The following CDH18 variants were observed in gnomAD, a reference collection of about 807,000 sequenced individuals.
CDH18 encodes cadherin-18.
In CDH18, 31 loss-of-function variants were observed where a neutral mutation model predicts 67.9. The ratio of observed to expected loss-of-function variants is 0.46; its 90% CI spans 0.34 to 0.62. The LOEUF (loss-of-function observed/expected upper bound fraction) is 0.62, where lower values mean the gene tolerates loss of function less well. Among genes scored for constraint, CDH18 ranks in the 20% least tolerant of loss-of-function variants. The pLI is 0.01. For synonymous variants in CDH18, 362 were observed against 347.2 expected, an observed-to-expected ratio of 1.04 and a Z score of -0.48; for missense variants, 890 against 975.5, an observed-to-expected ratio of 0.91 and a Z score of 1.17.
In CDH18 at chr5:20,101,548, C is replaced by T. The variant is rs112676602; in HGVS notation, c.-517-109534G>A. On this transcript the variant is annotated intron_variant, in intron 2 of 14. Transcript: ENST00000507958. Reference sequence around the variant, plus strand: ...TGCTAATTTCCACTATTGGTAGGATCCCTAAGGCATCAAAGGAGTAACATC... The same window carrying T: ...TGCTAATTTCCACTATTGGTAGGATTCCTAAGGCATCAAAGGAGTAACATC... Among the ~76,000 whole-genome samples the T allele has an allele frequency of 2.2e-3, 333 of 152,228 alleles. 1 individual carries two copies. Among genetic ancestry groups the T allele is most frequent in the African/African-American group, 7.5e-3 (313 of 41,532 alleles).
chr5:20,356,291 G>A (rs1741601124), intron 1 of CDH18, among the ~76,000 whole-genome samples: 1 of 152,156 alleles, frequency 6.6e-6, no homozygotes, highest in South Asian at 2.1e-4. Context: ...GCTGAGGTAG[G>A]AGAACTGCTT....
chr5:19,566,212 T>C, intron 8 of CDH18, among the ~76,000 whole-genome samples: 1 of 152,054 alleles, frequency 6.6e-6, no homozygotes, highest in East Asian at 1.9e-4. Context: ...ATATCAAAAT[T>C]ACAGGCAATA....
intron 1 of CDH18, among the ~76,000 whole-genome samples, chr5:20,364,329 A>G (rs1742339156): frequency 7.5e-6 from 1 of 134,144 alleles, no homozygotes; most frequent in Admixed American, 7.8e-5. Flanking sequence ...GTTTACATAA[A>G]CAATCTAATT....
intron 1 of CDH18, among the ~76,000 whole-genome samples, chr5:20,491,641 G>T (rs369306096): frequency 3.8e-4 from 58 of 152,254 alleles, no homozygotes; most frequent in African/African-American, 1.1e-3. Flanking sequence ...CAGAATTTCC[G>T]CTTGCTCAAG....
At chr5:20,469,776 C>G (rs556787947) in intron 1 of CDH18, among the ~76,000 whole-genome samples, 2 of 152,284 alleles carry the variant, frequency 1.3e-5, no homozygotes, top group East Asian at 3.9e-4. Flanking sequence ...TTCAGGATCC[C>G]TCATTACTGC....
intron 7 of CDH18, among the ~76,000 whole-genome samples, chr5:19,580,302 T>C (rs1186051823): frequency 7.9e-5 from 12 of 151,908 alleles, no homozygotes; most frequent in Admixed American, 6.6e-4. Flanking sequence ...CTTTGAAAAG[T>C]TGGTTCTTTT....
intron 2 of CDH18, among the ~76,000 whole-genome samples, chr5:20,043,157 A>G (rs1033142306): frequency 6.6e-6 from 1 of 152,050 alleles, no homozygotes; most frequent in African/African-American, 2.4e-5. Context: ...AGTAATGTCA[A>G]TCAGTAATGT....
chr5:19,766,760 A>G (rs1773140178), intron 3 of CDH18, among the ~76,000 whole-genome samples: 1 of 152,062 alleles, frequency 6.6e-6, no homozygotes, highest in Non-Finnish European at 1.5e-5. Context: ...CCTTCAAACT[A>G]GATAGTTTCT....
intron 1 of CDH18, among the ~76,000 whole-genome samples, chr5:20,486,400 G>A (rs1302794719): frequency 6.6e-6 from 1 of 151,922 alleles, no homozygotes; most frequent in Non-Finnish European, 1.5e-5. Flanking sequence ...TTATGTATAT[G>A]CTAGCATTTA....
chr5:19,807,672 A>ACTTATCCATTCC (rs1778174298), intron 3 of CDH18, among the ~76,000 whole-genome samples: 1 of 152,072 alleles, frequency 6.6e-6, no homozygotes, highest in South Asian at 2.1e-4. Context: ...CACCACGAAC[A>ACTTATCCATTCC]CTTATCCATT....
rs1181135493 is a variant in CDH18 at position 19,954,645 on chromosome 5, T to C, written c.-257+26415A>G. On this transcript the variant is annotated intron_variant, in intron 2 of 12. Transcript: ENST00000382275. ...AGAAAGAAGAGACCAAGATAACCAA[T>C]CTGAATAGGTGTCAAAAAGTAAATA... Among the ~76,000 whole-genome samples the C allele has an allele frequency of 8.6e-5, 13 of 152,012 alleles. No homozygotes were observed. The East Asian group carries it at 2.5e-3, about 29-fold the overall frequency.
chr5:20,499,738 C>G (rs1754133106), intron 1 of CDH18, among the ~76,000 whole-genome samples: 1 of 152,074 alleles, frequency 6.6e-6, no homozygotes, highest in African/African-American at 2.4e-5. Context: ...AATGCAAAGG[C>G]AGTTTGTTAC....
chr5:20,294,553 T>G (rs1282111912), intron 1 of CDH18, among the ~76,000 whole-genome samples: 1 of 152,214 alleles, frequency 6.6e-6, no homozygotes, highest in Non-Finnish European at 1.5e-5. Context: ...ATCGCAGTAA[T>G]GAGGAAAGCA....
At chr5:20,504,736 T>C (rs1456125308) in intron 1 of CDH18, among the ~76,000 whole-genome samples, 1 of 150,224 alleles carries the variant, frequency 6.7e-6, no homozygotes, top group Non-Finnish European at 1.5e-5. Flanking sequence ...TTTTGGCAGG[T>C]AGAAAAAGTG....
At chr5:19,491,696 A>G (rs936718771) in intron 11 of CDH18, among the ~76,000 whole-genome samples, 1 of 152,116 alleles carries the variant, frequency 6.6e-6, no homozygotes, top group African/African-American at 2.4e-5. Flanking sequence ...CCAACCCCAA[A>G]TAGCCACAAG....
chr5:20,483,087 G>A (rs187680760), intron 1 of CDH18, among the ~76,000 whole-genome samples: 6 of 151,716 alleles, frequency 4.0e-5, no homozygotes, highest in South Asian at 2.1e-4. Flanking sequence ...ATGTAACATC[G>A]GCATACAAAA....
chr5:19,743,868 C>T (rs1383873626), intron 4 of CDH18, among the ~76,000 whole-genome samples: 2 of 134,350 alleles, frequency 1.5e-5, no homozygotes. Context: ...TTGAAGTGAG[C>T]CGAGATCATG....
chr5:19,494,188 G>T (rs1415446475), intron 11 of CDH18, among the ~76,000 whole-genome samples: 1 of 151,902 alleles, frequency 6.6e-6, no homozygotes, highest in Non-Finnish European at 1.5e-5. Flanking sequence ...TCTTCACTCA[G>T]GATAATTTCT....
chr5:19,838,726 A>G, intron 3 of CDH18, 33 bp downstream of exon 3: 2 of 1,458,920 alleles, frequency 1.4e-6, no homozygotes, highest in Non-Finnish European at 1.9e-6. Context: ...ATTTCTCAGG[A>G]TAGAAAAAAC....
Sources: allele counts gnomAD v4.1 joint callset (sites outside exome capture counted in the v4.1 genomes callset), GRCh38; gene constraint gnomAD v4.1.1; transcripts MANE v1.5; gene names NCBI Gene and HGNC (gene_info 2026-07-23, HGNC 2026-07-21).